The following HTR4 variants were observed in gnomAD, a reference collection of about 807,000 sequenced individuals.
HTR4 encodes the protein 5-hydroxytryptamine (serotonin) receptor 4, G protein-coupled.
Under a neutral mutation model 36.8 loss-of-function variants are expected in HTR4, and 16 were observed. The ratio of observed to expected loss-of-function variants is 0.43; its 90% CI spans 0.29 to 0.66. The LOEUF (loss-of-function observed/expected upper bound fraction) is 0.66, where lower values mean the gene tolerates loss of function less well. HTR4 is among the 30% of genes least tolerant of loss of function. HTR4 has a pLI of 0.13. For missense variants in HTR4, 438 were observed against 490.9 expected (o/e 0.89, Z 1.02); for synonymous variants, 189 against 185.1 (o/e 1.02, Z -0.17).
chr5:148,499,711 G>A (rs6580551), intron 6 of HTR4, among the ~76,000 whole-genome samples: 69,690 of 152,042 alleles, frequency 0.46, 16,438 homozygotes, highest in African/African-American at 0.57. Flanking sequence ...CCATGTTGAA[G>A]TGTAATCTCC....
At chr5:148,505,460 C>T in intron 6 of HTR4, among the ~76,000 whole-genome samples, 1 of 152,134 alleles carries the variant, frequency 6.6e-6, no homozygotes, top group Non-Finnish European at 1.5e-5. Flanking sequence ...TGAAAACTGG[C>T]ACAAGACAGG....
chr5:148,476,881 A>G, downstream of HTR4: 4 of 1,373,562 alleles, frequency 2.9e-6, no homozygotes, highest in Non-Finnish European at 3.9e-6. Context: ...GGAGGCTGGA[A>G]AAGACTTCAG....
At chr5:148,607,436 ATAC>A (rs1023090869) in intron 2 of HTR4, among the ~76,000 whole-genome samples, 3 of 152,216 alleles carry the variant, frequency 2.0e-5, no homozygotes, top group Admixed American at 1.3e-4. Context: ...TTGACTGAAG[ATAC>A]TTGAAGGAAA....
At chr5:148,583,965 A>G (rs1581508604) in intron 2 of HTR4, among the ~76,000 whole-genome samples, 1 of 152,186 alleles carries the variant, frequency 6.6e-6, no homozygotes, top group Admixed American at 6.5e-5. Context: ...CCCTTTTAAC[A>G]TTTACATTTG....
intron 2 of HTR4, among the ~76,000 whole-genome samples, chr5:148,567,014 C>T (rs1455508552): frequency 6.6e-6 from 1 of 151,636 alleles, no homozygotes. Context: ...ATAACAGTGC[C>T]TTAATAATTA....
intron 1 of HTR4, among the ~76,000 whole-genome samples, chr5:148,640,090 T>C (rs1753677577): frequency 6.6e-6 from 1 of 152,160 alleles, no homozygotes; most frequent in Non-Finnish European, 1.5e-5. Context: ...ACAGCAGCAC[T>C]TGACCAATCT....
chr5:148,457,047 T>C (rs1755117017), intron 5 of HTR4, among the ~76,000 whole-genome samples: 1 of 152,124 alleles, frequency 6.6e-6, no homozygotes, highest in Non-Finnish European at 1.5e-5. Flanking sequence ...TTAGAGCAGC[T>C]TGGATTTGGG....
chr5:148,542,709 G>A (rs182772618), intron 4 of HTR4, among the ~76,000 whole-genome samples: 67 of 152,230 alleles, frequency 4.4e-4, no homozygotes, highest in African/African-American at 1.6e-3. Context: ...AGAGAAAGGG[G>A]ATAAAAATGG....
At chr5:148,536,682 G>A (rs116329688) in intron 4 of HTR4, among the ~76,000 whole-genome samples, 2,156 of 152,190 alleles carry the variant, frequency 0.014, 18 homozygotes, top group Middle Eastern at 0.037. Flanking sequence ...AATTCAACAA[G>A]ACCTAGCTAT....
At chr5:148,488,914 A>G (rs897996239) in intron 6 of HTR4, among the ~76,000 whole-genome samples, 30 of 152,178 alleles carry the variant, frequency 2.0e-4, no homozygotes, top group Admixed American at 5.2e-4. Flanking sequence ...GCTGATTCTA[A>G]TCCCTATGTA....
At chr5:148,530,285 C>T (rs750217891) in intron 4 of HTR4, among the ~76,000 whole-genome samples, 1 of 152,168 alleles carries the variant, frequency 6.6e-6, no homozygotes, top group Non-Finnish European at 1.5e-5. Context: ...TACGTGGCAG[C>T]TCCTTCTATC....
chr5:148,597,378 T>C (rs1262910830), intron 2 of HTR4, among the ~76,000 whole-genome samples: 1 of 152,114 alleles, frequency 6.6e-6, no homozygotes, highest in Non-Finnish European at 1.5e-5. Flanking sequence ...GCAGTGAGGG[T>C]AATGTGTTTA....
At chr5:148,521,052 T>A (rs1757990545) in intron 5 of HTR4, 1 of 1,345,992 alleles carries the variant, frequency 7.4e-7, no homozygotes, top group Non-Finnish European at 9.9e-7. Context: ...CTGTTGCTCT[T>A]AATCTCTCCT....
At chr5:148,534,327 T>A (rs1758710356) in intron 4 of HTR4, among the ~76,000 whole-genome samples, 1 of 152,210 alleles carries the variant, frequency 6.6e-6, no homozygotes, top group African/African-American at 2.4e-5. Context: ...TACCTCCATG[T>A]AGTGGGAGAT....
rs576943280 is a variant in HTR4 at position 148,628,655 on chromosome 5, G to GA, written c.26+8333dup. On this transcript the variant is annotated intron_variant, in intron 2 of 6. Transcript: ENST00000377888. ...TCACTTATTAGCTGTGTAGGCTGAG[G>GA]AAAAATCACTTAATCCTCTGAAACT... 48 of 152,172 alleles carry GA rather than the reference G, an allele frequency of 3.2e-4. No individual in the cohort carries two copies. The East Asian group carries it at 4.8e-3, about 15-fold the overall frequency. 9.4% of individuals were successfully genotyped at this position (152,172 alleles called of 1,614,324 possible). A position where few individuals can be genotyped will look rare whatever the true frequency, so the allele number is the denominator to read the frequency against.
chr5:148,476,382 C>T (rs979241529), downstream of HTR4, among the ~76,000 whole-genome samples: 4 of 152,180 alleles, frequency 2.6e-5, no homozygotes, highest in Admixed American at 1.3e-4. Context: ...AGAAAATAAA[C>T]TTGCCATAAC....
chr5:148,562,588 A>G (rs145127641), intron 2 of HTR4, among the ~76,000 whole-genome samples: 196 of 152,258 alleles, frequency 1.3e-3, no homozygotes, highest in African/African-American at 4.4e-3. Context: ...ATCTTCTCCT[A>G]GACTATCACA....
intron 1 of HTR4, among the ~76,000 whole-genome samples, chr5:148,651,193 A>G (rs1037041589): frequency 3.9e-5 from 6 of 152,216 alleles, no homozygotes; most frequent in Non-Finnish European, 7.3e-5. Flanking sequence ...GGTCTAGATT[A>G]ATGTGGGCTA....
intron 2 of HTR4, among the ~76,000 whole-genome samples, chr5:148,562,301 T>C (rs975823936): frequency 6.6e-6 from 1 of 152,180 alleles, no homozygotes; most frequent in African/African-American, 2.4e-5. Context: ...CCTGCTCTTT[T>C]GTAACCAGAG....
Sources: gnomAD v4.1 joint callset for allele counts (sites outside exome capture counted in the v4.1 genomes callset) on GRCh38, gnomAD v4.1.1 for gene constraint, MANE v1.5 for transcripts, NCBI Gene and HGNC (gene_info 2026-07-23, HGNC 2026-07-21) for gene names.